Variants in TRIP11 observed in about 807,000 individuals in gnomAD.
The protein encoded by TRIP11 is thyroid hormone receptor interactor 11.
TRIP11 carries 148 observed loss-of-function variants against 223.1 expected under a neutral mutation model. The ratio of observed to expected loss-of-function variants is 0.66; its 90% CI spans 0.58 to 0.76. The LOEUF is 0.76. Ranked by LOEUF, TRIP11 falls within the 30% of genes least tolerant of loss-of-function variation. The pLI is 0.00. For synonymous variants in TRIP11, 762 were observed against 772.6 expected (o/e 0.99, Z 0.23); for missense variants, 2,043 against 2,222.0 (o/e 0.92, Z 1.62).
intron 13 of TRIP11, among the ~76,000 whole-genome samples, chr14:91,995,912 G>A (rs1288162654): frequency 9.2e-6 from 1 of 108,950 alleles, no homozygotes; most frequent in African/African-American, 4.9e-5. Flanking sequence ...CACCGCCCCT[G>A]GCCTCTTATT....
chr14:92,024,770 A>G (rs1038522505), intron 3 of TRIP11, among the ~76,000 whole-genome samples: 1 of 152,220 alleles, frequency 6.6e-6, no homozygotes, highest in Non-Finnish European at 1.5e-5. Flanking sequence ...AGAATTCAGT[A>G]ACAGCATGAC....
At position 91,999,356 on chromosome 14, in the gene TRIP11, TTC is replaced by T. The variant is rs1224324761; in HGVS notation, c.4774_4775del (p.Glu1592ArgfsTer6). On this transcript the variant is annotated frameshift_variant, in exon 13 of 21. Transcript: ENST00000267622. LOFTEE classifies it high-confidence loss of function. ...CCAAAGCTTCACGGGTATAAGAATC[TTC>T]TGATTCTAAAAGATGATTACGCAAT... is the stretch of plus-strand genomic sequence containing the variant. The part of the protein sequence containing the change: ...ERLRNHLLES[E>X]DSYTREALAA... 1 of 1,613,770 alleles carries T rather than the reference TTC, an allele frequency of 6.2e-7. No homozygotes were observed. The highest frequency in any genetic ancestry group is 8.5e-7 in the Non-Finnish European group (1 of 1,179,870).
intron 5 of TRIP11, among the ~76,000 whole-genome samples, chr14:92,017,387 T>C (rs953844463): frequency 6.6e-6 from 1 of 151,682 alleles, no homozygotes; most frequent in Non-Finnish European, 1.5e-5. Flanking sequence ...ACAAAAAAAA[T>C]CAGAAAAAAT....
intron 14 of TRIP11, 88 bp from the exon 15 acceptor site, chr14:91,994,000 G>A (rs1017725272): frequency 1.5e-5 from 15 of 981,668 alleles, no homozygotes; most frequent in Non-Finnish European, 2.2e-5. Context: ...ATAATCCAAC[G>A]AAAACAGTTC....
chr14:92,011,483 CAAAAAAAAAA>C (rs200967942), intron 8 of TRIP11, among the ~76,000 whole-genome samples: 12 of 42,470 alleles, frequency 2.8e-4, no homozygotes, highest in Admixed American at 7.6e-4. Context: ...GACTCCGTCT[CAAAAAAAAAA>C]AAAAAAAAAA....
Position 91,995,289 on chromosome 14 carries a change from A to T in TRIP11, c.5056+63T>A. ...CGTGCCTCATCTAAAATAGCTCTCAAATTAGGCAAAATTACCAATAACTAC... is the reference window on the plus strand; with the variant it reads ...CGTGCCTCATCTAAAATAGCTCTCATATTAGGCAAAATTACCAATAACTAC... On this transcript the variant is annotated intron_variant, in intron 14 of 20. Coordinates refer to ENST00000267622, the MANE Select transcript of TRIP11 (RefSeq NM_004239.4). 4.4e-6 allele frequency: 7 copies of T among 1,602,320 alleles called. No individual in the cohort carries two copies. In the East Asian group the frequency reaches 1.1e-4, roughly 26 times the overall value.
chr14:92,026,770 G>A, intron 2 of TRIP11: 1 of 1,191,912 alleles, frequency 8.4e-7, no homozygotes, highest in Non-Finnish European at 1.2e-6. Flanking sequence ...TGAGGGTGAG[G>A]AAGAAGGATG....
At position 92,033,165 on chromosome 14, in the gene TRIP11, A is replaced by G. The variant is rs186341903; in HGVS notation, c.201+27T>C. Reference sequence around the variant, plus strand: ...ACCTTCATGACTTCAAAAAAGAAAAATCTAAGTAGTCTTTGATTTTTCTTA... The same window carrying G: ...ACCTTCATGACTTCAAAAAAGAAAAGTCTAAGTAGTCTTTGATTTTTCTTA... On this transcript the variant is annotated intron_variant, in intron 2 of 20. Coordinates refer to ENST00000267622, the MANE Select transcript of TRIP11 (RefSeq NM_004239.4). 4.0e-3 allele frequency: 6,341 copies of G among 1,599,312 alleles called. 149 individuals carry two copies. In the South Asian group the frequency reaches 0.042, roughly 11 times the overall value.
chr14:92,032,635 C>T (rs957130812), intron 2 of TRIP11, among the ~76,000 whole-genome samples: 5 of 151,948 alleles, frequency 3.3e-5, no homozygotes, highest in South Asian at 2.1e-4. Flanking sequence ...GAGTTTGAGA[C>T]CAGCCTGGCC....
At chr14:91,982,546 C>A (rs1347633679) in intron 16 of TRIP11, among the ~76,000 whole-genome samples, 1 of 152,098 alleles carries the variant, frequency 6.6e-6, no homozygotes, top group Non-Finnish European at 1.5e-5. Context: ...CATTTGTACC[C>A]CAAACCTCAG....
At chr14:91,995,308 T>A in intron 14 of TRIP11, 44 bp downstream of exon 14, 1 of 1,610,284 alleles carries the variant, frequency 6.2e-7, no homozygotes, top group South Asian at 1.1e-5. Flanking sequence ...AAATTACCAA[T>A]AACTACAATT....
At position 92,004,318 on chromosome 14, in the gene TRIP11, T is replaced by C. The variant is rs763237447; in HGVS notation, c.3658A>G (p.Lys1220Glu). 4 of 1,614,036 alleles carry C rather than the reference T, an allele frequency of 2.5e-6. No individual in the cohort carries two copies. The highest frequency in any genetic ancestry group is 1.3e-5 in the African/African-American group (1 of 74,942). ...ERDKLKQQVKKMEEWKQQVMT... is the reference protein window; with the variant it reads ...ERDKLKQQVKEMEEWKQQVMT... ...ACCTGCTGCTTCCACTCTTCCATTT[T>C]CTTTACTTGCTGTTTTAACTTGTCA... Residue 1220 changes from lysine to glutamate, a missense_variant, in exon 11 of 21, where the codon AAA becomes GAA. Coordinates refer to ENST00000267622, the MANE Select transcript of TRIP11 (RefSeq NM_004239.4).
intron 2 of TRIP11, among the ~76,000 whole-genome samples, chr14:92,025,677 G>C (rs1338991565): frequency 6.6e-6 from 1 of 152,046 alleles, no homozygotes; most frequent in Non-Finnish European, 1.5e-5. Flanking sequence ...AGGAGATCGA[G>C]ACCATCCTGG....
At chr14:92,012,041 T>C (rs933173614) in intron 7 of TRIP11, among the ~76,000 whole-genome samples, 3 of 152,208 alleles carry the variant, frequency 2.0e-5, no homozygotes, top group Non-Finnish European at 4.4e-5. Flanking sequence ...AAATTGAAAT[T>C]GTATTGTAGA....
rs1277717976 is a variant in TRIP11 at position 91,981,019 on chromosome 14, T to A, written c.5261-4830A>T. On this transcript the variant is annotated intron_variant, in intron 16 of 20. Coordinates refer to ENST00000267622, the MANE Select transcript of TRIP11 (RefSeq NM_004239.4). ...ATATATATATATATATATATTTTTT[T>A]TTTTTTTTTTTTTTTTTGAGACAGA... is the stretch of plus-strand genomic sequence containing the variant. Among the ~76,000 whole-genome samples, 842 of 118,494 alleles carry A rather than the reference T, an allele frequency of 7.1e-3. 5 individuals are homozygous for A. The highest frequency in any genetic ancestry group is 0.024 in the African/African-American group (631 of 26,014). 77.7% of individuals were successfully genotyped at this position (118,494 alleles called of 152,430 possible).
chr14:92,010,309 T>A (rs893857343), intron 9 of TRIP11, among the ~76,000 whole-genome samples: 1 of 152,070 alleles, frequency 6.6e-6, no homozygotes, highest in Non-Finnish European at 1.5e-5. Context: ...GGTGGGCAGA[T>A]CACCTGAGGT....
chr14:92,018,540 C>T (rs548689067), intron 4 of TRIP11, among the ~76,000 whole-genome samples: 1 of 152,002 alleles, frequency 6.6e-6, no homozygotes, highest in Non-Finnish European at 1.5e-5. Flanking sequence ...TTTTAATGAA[C>T]CAAAAGCTAC....
Position 92,039,640 on chromosome 14 carries a change from G to A in TRIP11, c.46C>T (p.Leu16=). ...GGLGSGLGQS[L]GQVGGSLASL... ...GCCAGGCTGCCCCCGACTTGACCCA[G>A]AGACTGGCCCAATCCGGAGCCGAGG... Residue 16 remains leucine, a synonymous_variant, in exon 1 of 21, where the codon CTG becomes TTG. Coordinates refer to ENST00000267622, the MANE Select transcript of TRIP11 (RefSeq NM_004239.4). 1 of 1,612,720 alleles carries A rather than the reference G, an allele frequency of 6.2e-7. No individual in the cohort carries two copies. Among genetic ancestry groups the A allele is most frequent in the Non-Finnish European group, 8.5e-7 (1 of 1,179,468 alleles).
chr14:92,026,959 G>C lies in TRIP11; in HGVS notation c.202-1539C>G, dbSNP rs1033503102. ...TATTCACCCTCCACTTCCCCTCTCA[G>C]AATCTAAACGTGGTCACCTTCAAGT... On this transcript the variant is annotated intron_variant, in intron 2 of 20. Coordinates refer to ENST00000267622, the MANE Select transcript of TRIP11 (RefSeq NM_004239.4). The C allele has an allele frequency of 1.2e-5, 13 of 1,052,100 alleles. No individual in the cohort carries two copies. The African/African-American group carries it at 1.6e-4, about 13-fold the overall frequency. 65.2% of individuals were successfully genotyped at this position (1,052,100 alleles called of 1,614,324 possible). A position where few individuals can be genotyped will look rare whatever the true frequency, so the allele number is the denominator to read the frequency against.
Sources: allele counts gnomAD v4.1 joint callset (sites outside exome capture counted in the v4.1 genomes callset), GRCh38; gene constraint gnomAD v4.1.1; transcripts MANE v1.5; gene names NCBI Gene and HGNC (gene_info 2026-07-23, HGNC 2026-07-21).